The following ACSS3 variants were observed in gnomAD, a reference collection of about 807,000 sequenced individuals.
ACSS3 encodes acyl-CoA synthetase short chain family member 3, also known as acyl-CoA synthetase short-chain family member 3, mitochondrial.
ACSS3 carries 64 observed loss-of-function variants against 84.2 expected under a neutral mutation model. The observed-to-expected ratio is 0.76, with a 90% CI of 0.62 to 0.94. The LOEUF is 0.94. Ranked by LOEUF, ACSS3 falls within the 40% of genes least tolerant of loss-of-function variation. The probability of loss-of-function intolerance (pLI) is 0.00; values close to 1 mark genes in which losing one functional copy is unlikely to be tolerated. For synonymous variants in ACSS3, 317 were observed against 310.1 expected, an observed-to-expected ratio of 1.02 and a Z score of -0.23; for missense variants, 815 against 867.6, an observed-to-expected ratio of 0.94 and a Z score of 0.76.
At chr12:81,202,960 G>A (rs1316097030) in intron 9 of ACSS3, among the ~76,000 whole-genome samples, 6 of 152,104 alleles carry the variant, frequency 3.9e-5, no homozygotes, top group Admixed American at 3.9e-4. Context: ...AGAGAGATTG[G>A]CTGACATGAT....
At chr12:81,207,010 T>G (rs975471086) in intron 9 of ACSS3, among the ~76,000 whole-genome samples, 2 of 152,132 alleles carry the variant, frequency 1.3e-5, no homozygotes, top group African/African-American at 4.8e-5. Context: ...GAATCACTAT[T>G]TGTGCTCATT....
intron 13 of ACSS3, among the ~76,000 whole-genome samples, chr12:81,238,775 G>A (rs1365191888): frequency 6.6e-6 from 1 of 151,128 alleles, no homozygotes; most frequent in African/African-American, 2.4e-5. Flanking sequence ...CTGGCTAGAG[G>A]TTTATTGATT....
chr12:81,137,583 A>G (rs1261730440), intron 3 of ACSS3, among the ~76,000 whole-genome samples: 1 of 152,194 alleles, frequency 6.6e-6, no homozygotes, highest in African/African-American at 2.4e-5. Flanking sequence ...GATGGAAAGG[A>G]TGTATTCTAA....
intron 2 of ACSS3, among the ~76,000 whole-genome samples, chr12:81,133,593 A>G (rs924907808): frequency 6.6e-6 from 1 of 152,044 alleles, no homozygotes; most frequent in African/African-American, 2.4e-5. Flanking sequence ...ATGTCTTACA[A>G]AACTGTTGCT....
chr12:81,088,468 C>T (rs11831334), intron 1 of ACSS3, among the ~76,000 whole-genome samples: 11,194 of 151,976 alleles, frequency 0.074, 693 homozygotes, highest in East Asian at 0.2. Flanking sequence ...TATCTGTTAT[C>T]ATAAAAACAG....
intron 2 of ACSS3, among the ~76,000 whole-genome samples, chr12:81,133,984 T>TG (rs11378935): frequency 0.87 from 132,000 of 151,804 alleles, 58,908 homozygotes; most frequent in Non-Finnish European, 0.97. Context: ...TTATCATGTG[T>TG]GGCTTATAAT....
intron 2 of ACSS3, chr12:81,117,853 G>A (rs899735694): frequency 6.6e-6 from 1 of 152,162 alleles, no homozygotes; most frequent in African/African-American, 2.4e-5. Context: ...GATAGATACA[G>A]TTTGTGCCGT....
chr12:81,100,746 C>A (rs1882446573), intron 1 of ACSS3, among the ~76,000 whole-genome samples: 2 of 152,308 alleles, frequency 1.3e-5, no homozygotes, highest in Middle Eastern at 6.8e-3. Context: ...CATCCTCACT[C>A]AGAGATATAG....
chr12:81,151,919 G>A lies in ACSS3; in HGVS notation c.997G>A (p.Gly333Arg), dbSNP rs1055194880. 1.1e-5 allele frequency: 18 copies of A among 1,613,590 alleles called. No individual in the cohort carries two copies. Among genetic ancestry groups the A allele is most frequent in the Admixed American group, 1.0e-4 (6 of 59,978 alleles). ...SMSSIYGLQPGEVWWAASDLG... is the reference protein window; with the variant it reads ...SMSSIYGLQPREVWWAASDLG... ...GTCTTCCATATACGGACTTCAACCC[G>A]GAGAGGTAATCGTGGTTTTAAATTT... The change falls in exon 6 of 16, where the codon GGA (glycine) becomes AGA (arginine). Residue 333 changes from glycine (G) to arginine (R), a missense_variant. By Grantham distance (125) the Gly-to-Arg change is moderately radical (BLOSUM62 -2). Coordinates refer to ENST00000548058, the MANE Select transcript of ACSS3 (RefSeq NM_024560.4).
At chr12:81,210,532 G>GACTT in intron 9 of ACSS3, among the ~76,000 whole-genome samples, 1 of 116,418 alleles carries the variant, frequency 8.6e-6, no homozygotes, top group Admixed American at 8.2e-5. Flanking sequence ...TAAATAAGAA[G>GACTT]GCTATGAACC....
chr12:81,126,041 CA>C (rs1250351029), intron 2 of ACSS3, among the ~76,000 whole-genome samples: 1 of 152,088 alleles, frequency 6.6e-6, no homozygotes, highest in African/African-American at 2.4e-5. Flanking sequence ...TCAATTATTA[CA>C]CATTGTTTTT....
At chr12:81,237,762 G>T (rs908447188) in intron 13 of ACSS3, among the ~76,000 whole-genome samples, 2 of 151,632 alleles carry the variant, frequency 1.3e-5, no homozygotes, top group Non-Finnish European at 3.0e-5. Context: ...ATACGATCAG[G>T]TTGTTTGCAA....
intron 2 of ACSS3, among the ~76,000 whole-genome samples, chr12:81,113,199 T>C (rs1593066563): frequency 6.6e-6 from 1 of 152,250 alleles, no homozygotes; most frequent in African/African-American, 2.4e-5. Context: ...GGGGTTAATG[T>C]TATATTCTGT....
intron 1 of ACSS3, among the ~76,000 whole-genome samples, chr12:81,094,084 T>C (rs1335535535): frequency 1.3e-5 from 2 of 152,108 alleles, no homozygotes; most frequent in Non-Finnish European, 2.9e-5. Context: ...ATGGTTTCTC[T>C]TTATTTGCTT....
At chr12:81,161,781 G>A (rs1887161897) in intron 7 of ACSS3, among the ~76,000 whole-genome samples, 1 of 152,114 alleles carries the variant, frequency 6.6e-6, no homozygotes, top group African/African-American at 2.4e-5. Context: ...GGGCAAGCCA[G>A]GACCAAAATG....
intron 7 of ACSS3, among the ~76,000 whole-genome samples, chr12:81,170,530 T>C (rs1254191757): frequency 6.6e-6 from 1 of 152,128 alleles, no homozygotes; most frequent in Non-Finnish European, 1.5e-5. Flanking sequence ...GCCTTTATTA[T>C]CTAGGAAGCA....
At chr12:81,217,980 C>G (rs2032982204) in intron 10 of ACSS3, among the ~76,000 whole-genome samples, 1 of 152,034 alleles carries the variant, frequency 6.6e-6, no homozygotes, top group Non-Finnish European at 1.5e-5. Flanking sequence ...ACAGTAGTAA[C>G]CATTATTATT....
chr12:81,138,100 A>G (rs1480728992), intron 3 of ACSS3, among the ~76,000 whole-genome samples: 2 of 152,196 alleles, frequency 1.3e-5, no homozygotes, highest in South Asian at 2.1e-4. Context: ...GATGAAATGT[A>G]TTATAACTAG....
chr12:81,139,716 A>G (rs1885995679), intron 4 of ACSS3, among the ~76,000 whole-genome samples: 1 of 150,898 alleles, frequency 6.6e-6, no homozygotes, highest in African/African-American at 2.4e-5. Flanking sequence ...GCTCATTGCA[A>G]GCTCCGCCCC....
Sources: allele counts gnomAD v4.1 joint callset (sites outside exome capture counted in the v4.1 genomes callset), GRCh38; gene constraint gnomAD v4.1.1; transcripts MANE v1.5; gene names NCBI Gene and HGNC (gene_info 2026-07-23, HGNC 2026-07-21).